Variants in SATB1 observed in about 807,000 individuals in gnomAD.
SATB1 encodes DNA-binding protein SATB1.
Under a neutral mutation model 86.9 loss-of-function variants are expected in SATB1, and 11 were observed. The observed-to-expected ratio is 0.13, with a 90% CI of 0.08 to 0.21. The LOEUF (loss-of-function observed/expected upper bound fraction) is 0.21, where lower values mean the gene tolerates loss of function less well. Among genes scored for constraint, SATB1 ranks in the 10% least tolerant of loss-of-function variants. The probability of loss-of-function intolerance (pLI) is 1.00; values close to 1 mark genes in which losing one functional copy is unlikely to be tolerated. For missense variants in SATB1, 551 were observed against 937.6 expected (o/e 0.59, Z 5.39); for synonymous variants, 357 against 357.2 (o/e 1.00, Z 0.01).
At chr3:18,402,370 C>T (rs1051419692) in intron 5 of SATB1, among the ~76,000 whole-genome samples, 2 of 152,070 alleles carry the variant, frequency 1.3e-5, no homozygotes, top group African/African-American at 2.4e-5. Flanking sequence ...CAATGCTAAT[C>T]AGGTTATTCA....
chr3:18,368,905 G>C (rs1457678015), intron 9 of SATB1, among the ~76,000 whole-genome samples: 2 of 151,992 alleles, frequency 1.3e-5, no homozygotes, highest in African/African-American at 4.8e-5. Flanking sequence ...CCTTCTTATG[G>C]ATCCAATTAT....
In SATB1 at chr3:18,417,007, G is replaced by A; in HGVS notation, c.283C>T (p.His95Tyr). ...NAIEYDCKEE[H>Y]AEFVLVRKDM... is the part of the protein sequence containing the mutation. ...TTTCTCACCAGCACAAATTCTGCAT[G>A]CTCCTCCTTGCAATCATATTCAATG... The change falls in exon 3 of 11, where the codon CAT becomes TAT. Residue 95 changes from histidine (H) to tyrosine (Y), a missense_variant. This residue lies in a region of SATB1 where 153 missense variants were observed against 258.1 expected (regional missense o/e 0.59). Transcript: ENST00000338745. The A allele has an allele frequency of 1.2e-6, 2 of 1,613,636 alleles. No homozygotes were observed. The highest frequency in any genetic ancestry group is 1.7e-6 in the Non-Finnish European group (2 of 1,179,700).
chr3:18,424,346 C>T lies in SATB1; in HGVS notation c.-744G>A, dbSNP rs1698552177. 6.6e-6 allele frequency: 1 copy of T among 150,418 alleles called. No homozygotes were observed. The highest frequency in any genetic ancestry group is 1.5e-5 in the Non-Finnish European group (1 of 67,816). The allele number at this position is 150,418 out of a possible 1,614,324, so 9.3% of individuals were successfully genotyped here. On this transcript the variant is annotated 5_prime_UTR_variant, in exon 1 of 11. Coordinates refer to ENST00000338745, the MANE Select transcript of SATB1 (RefSeq NM_002971.6). Reference sequence around the variant, plus strand: ...CCACCCCCCTCGCCAACAATCGCGACTAATATTAACAAACCTTAAACTTTT... The same window carrying T: ...CCACCCCCCTCGCCAACAATCGCGATTAATATTAACAAACCTTAAACTTTT...
intron 9 of SATB1, among the ~76,000 whole-genome samples, chr3:18,359,368 G>GA: frequency 6.6e-6 from 1 of 151,992 alleles, no homozygotes. Flanking sequence ...GAGAATTTGA[G>GA]AAGGGGGGAG....
rs1295029234 is a variant in SATB1 at position 18,394,620 on chromosome 3, G to A, written c.1048C>T (p.Pro350Ser). Residue 350 changes from proline (P) to serine (S), a missense_variant, in exon 7 of 11, where the codon CCT becomes TCT. Around this residue, in one of 8 missense-constraint regions of SATB1, gnomAD observed 119 missense variants for 171.1 expected, o/e 0.70. Coordinates refer to ENST00000338745, the MANE Select transcript of SATB1 (RefSeq NM_002971.6). The surrounding 1 kb of genome is among the most constrained non-coding windows in gnomAD (Gnocchi z 5.9). ...TTCATAGATCTACTGACAGGGGGAG[G>A]GTGGTTCAAGTATTGTTGGTTTAAG... ...QSLNQQYLNH[P>S]PPVSRSMNKP... 1 of 1,614,170 alleles carries A rather than the reference G, an allele frequency of 6.2e-7. No homozygotes were observed. The highest frequency in any genetic ancestry group is 8.5e-7 in the Non-Finnish European group (1 of 1,180,040).
At chr3:18,434,877 A>T (rs2125201876) in intron 2 of SATB1, 1 of 152,134 alleles carries the variant, frequency 6.6e-6, no homozygotes, top group African/African-American at 2.4e-5. Context: ...AAAAAAAAAA[A>T]TAACCGCTAA....
chr3:18,389,611 T>C (rs1696537159), intron 7 of SATB1, among the ~76,000 whole-genome samples: 1 of 152,074 alleles, frequency 6.6e-6, no homozygotes, highest in Admixed American at 6.6e-5. Flanking sequence ...AAGCGTGACC[T>C]TTTACCAAAA....
intron 10 of SATB1, chr3:18,351,482 T>C: frequency 4.2e-6 from 5 of 1,180,792 alleles, no homozygotes; most frequent in Non-Finnish European, 4.8e-6. Flanking sequence ...AGCTATTACA[T>C]ACAAGGTGAA....
intron 1 of SATB1, 184 bp from the exon 2 acceptor site, chr3:18,421,175 A>T: frequency 1.9e-6 from 1 of 535,664 alleles, no homozygotes; most frequent in Non-Finnish European, 3.3e-6. Context: ...ATTCTTATTC[A>T]AATTAACAAA....
intron 5 of SATB1, among the ~76,000 whole-genome samples, chr3:18,399,329 T>A (rs1223412240): frequency 6.6e-6 from 1 of 152,104 alleles, no homozygotes; most frequent in East Asian, 1.9e-4. Flanking sequence ...ATGAGGCACC[T>A]GTCATCCAAA....
chr3:18,354,360 C>T (rs1694527265), intron 9 of SATB1, among the ~76,000 whole-genome samples: 1 of 152,120 alleles, frequency 6.6e-6, no homozygotes, highest in South Asian at 2.1e-4. Context: ...CTTTCCCTCT[C>T]CCCCTTGTCT....
At chr3:18,411,139 G>T (rs1049650245) in intron 5 of SATB1, 24 of 358,638 alleles carry the variant, frequency 6.7e-5, no homozygotes, top group African/African-American at 5.0e-4. Flanking sequence ...TATATATTTT[G>T]CTACTTGAAA....
At chr3:18,369,837 G>A (rs1013922138) in intron 9 of SATB1, among the ~76,000 whole-genome samples, 5 of 152,190 alleles carry the variant, frequency 3.3e-5, no homozygotes, top group African/African-American at 7.2e-5. Context: ...ATTTCACAGC[G>A]TGTGTCAGAA....
intron 8 of SATB1, among the ~76,000 whole-genome samples, chr3:18,379,017 A>G (rs1210448862): frequency 2.0e-5 from 3 of 152,172 alleles, no homozygotes; most frequent in African/African-American, 7.2e-5. Context: ...GACTTGTGAA[A>G]CCACACAATA....
At chr3:18,425,354 CGGCGGCGGA>C (rs909068134), upstream of SATB1, 39 of 154,870 alleles carry the variant, frequency 2.5e-4, no homozygotes, top group South Asian at 5.5e-4. Flanking sequence ...GCGGCGGCGG[CGGCGGCGGA>C]GGAGGAGGAG....
At chr3:18,363,860 GA>G (rs199909886) in intron 9 of SATB1, among the ~76,000 whole-genome samples, 5 of 150,724 alleles carry the variant, frequency 3.3e-5, no homozygotes, top group Admixed American at 6.6e-5. Context: ...AGTTCAATTG[GA>G]AAAAAAAATG....
chr3:18,394,934 T>C lies in SATB1; in HGVS notation c.752-18A>G, dbSNP rs766909194. On this transcript the variant is annotated intron_variant, in intron 6 of 10. Transcript: ENST00000338745. The surrounding 1 kb of genome is among the most constrained non-coding windows in gnomAD (Gnocchi z 5.9). The stretch of plus-strand genomic sequence containing the variant: ...CATTTCAACTAAAGTGGACAAAGAG[T>C]AAAATCACATTCAGCCAACAATGAT... The C allele has an allele frequency of 1.3e-6, 2 of 1,517,972 alleles. No individual in the cohort carries two copies. The highest frequency in any genetic ancestry group is 2.3e-5 in the East Asian group (1 of 43,996). The allele number at this position is 1,517,972 out of a possible 1,614,324, so 94.0% of individuals were successfully genotyped here. A position where few individuals can be genotyped will look rare whatever the true frequency, so the allele number is the denominator to read the frequency against.
chr3:18,380,951 A>C (rs1486987372), intron 8 of SATB1, among the ~76,000 whole-genome samples: 1 of 152,222 alleles, frequency 6.6e-6, no homozygotes. Context: ...CATTCCAGGC[A>C]AAACAAACTA....
upstream of SATB1, among the ~76,000 whole-genome samples, chr3:18,443,307 CCAGT>C (rs2125214455): frequency 1.3e-5 from 2 of 152,292 alleles, no homozygotes; most frequent in Non-Finnish European, 2.9e-5. This position sits in a 1 kb window ranked among gnomAD's most constrained non-coding sequence, Gnocchi z 4.4. Flanking sequence ...ACATGGAAAC[CCAGT>C]CAGTCAGAGC....
Sources: gnomAD v4.1 joint callset for allele counts (sites outside exome capture counted in the v4.1 genomes callset) on GRCh38, gnomAD v4.1.1 for gene constraint, gnomAD v4.1.1 regional missense constraint, Gnocchi (gnomAD v3.1) non-coding constraint, MANE v1.5 for transcripts, NCBI Gene and HGNC (gene_info 2026-07-23, HGNC 2026-07-21) for gene names.